Variants in CACNA1C observed in about 807,000 individuals in gnomAD.
The protein encoded by CACNA1C is calcium voltage-gated channel subunit alpha1 C, also known as voltage-dependent L-type calcium channel subunit alpha-1C.
In CACNA1C, 30 loss-of-function variants were observed where a neutral mutation model predicts 229.0. The observed-to-expected ratio is 0.13, with a 90% CI of 0.10 to 0.18. The LOEUF is 0.18. Ranked by LOEUF, CACNA1C falls within the 10% of genes least tolerant of loss-of-function variation. The pLI is 1.00. For synonymous variants in CACNA1C, 1,114 were observed against 1,132.5 expected, an observed-to-expected ratio of 0.98 and a Z score of 0.33; for missense variants, 1,658 against 2,845.0, an observed-to-expected ratio of 0.58 and a Z score of 9.49.
rs12318527 is a variant in CACNA1C, at chr12:2,266,869, G to T, written c.477+146439G>T. Reference sequence around the variant, plus strand: ...TTCAGGCTGTGCTGCCTAGGGAAATGTACTTACCTCTTCTGAGCTTTTCTT... The same window carrying T: ...TTCAGGCTGTGCTGCCTAGGGAAATTTACTTACCTCTTCTGAGCTTTTCTT... On this transcript the variant is annotated intron_variant, in intron 3 of 46. Transcript: ENST00000399655. Among the ~76,000 whole-genome samples, 1,467 of 152,268 alleles carry T rather than the reference G, an allele frequency of 9.6e-3. 24 individuals are homozygous for T. The highest frequency in any genetic ancestry group is 0.033 in the African/African-American group (1,376 of 41,534).
intron 9 of CACNA1C, 122 bp from the exon 10 acceptor site, chr12:2,549,821 C>T: frequency 2.8e-6 from 2 of 713,754 alleles, no homozygotes; most frequent in Non-Finnish European, 5.0e-6. Flanking sequence ...CCAGCGTGCT[C>T]AGCCTCTCTT....
intron 1 of CACNA1C, among the ~76,000 whole-genome samples, chr12:2,094,942 A>G (rs1329178677): frequency 6.6e-6 from 1 of 152,162 alleles, no homozygotes; most frequent in Non-Finnish European, 1.5e-5. Context: ...TTTAATGACT[A>G]CTTCCCCCTG....
intron 3 of CACNA1C, among the ~76,000 whole-genome samples, chr12:2,300,999 C>T (rs893985894): frequency 9.9e-5 from 15 of 152,192 alleles, no homozygotes; most frequent in Non-Finnish European, 1.6e-4. Context: ...AGCTGCACAG[C>T]CACTTATAAC....
intron 1 of CACNA1C, among the ~76,000 whole-genome samples, chr12:1,974,759 C>G (rs1484979687): frequency 6.6e-6 from 1 of 152,146 alleles, no homozygotes; most frequent in Non-Finnish European, 1.5e-5. Flanking sequence ...GATTTAGATG[C>G]ATGTCAGTCA....
At position 2,348,245 on chromosome 12, in the gene CACNA1C, G is replaced by A. The variant is rs772869282; in HGVS notation, c.478-100731G>A. ...TGACTCCTGAGGCCTTCTGCTCACC[G>A]GAAGGGGGGCAGGTCTGCAGCCCCT... On this transcript the variant is annotated intron_variant, in intron 3 of 46. Transcript: ENST00000399655. This position sits in a 1 kb window ranked among gnomAD's most constrained non-coding sequence, Gnocchi z 4.7. 1.1e-4 allele frequency among the ~76,000 whole-genome samples: 16 copies of A among 152,342 alleles called. No homozygotes were observed. Among genetic ancestry groups the A allele is most frequent in the Non-Finnish European group, 1.9e-4 (13 of 68,032 alleles).
At chr12:2,650,587 G>T (rs907601447) in intron 31 of CACNA1C, among the ~76,000 whole-genome samples, 3 of 152,156 alleles carry the variant, frequency 2.0e-5, no homozygotes, top group Admixed American at 6.5e-5. Flanking sequence ...TCACCAGGCC[G>T]ATGTGGGCAG....
chr12:2,517,446 T>G (rs2099799484), intron 9 of CACNA1C, among the ~76,000 whole-genome samples: 1 of 152,150 alleles, frequency 6.6e-6, no homozygotes, highest in Non-Finnish European at 1.5e-5. Context: ...GCCTCTGCAA[T>G]GGGTTACAGT....
intron 3 of CACNA1C, among the ~76,000 whole-genome samples, chr12:2,274,039 C>T (rs183440822): frequency 2.0e-5 from 3 of 152,332 alleles, no homozygotes; most frequent in African/African-American, 4.8e-5. Flanking sequence ...CTATCCTGGC[C>T]TCAGTGTTAA....
intron 1 of CACNA1C, among the ~76,000 whole-genome samples, chr12:2,087,871 T>C (rs180837641): frequency 6.0e-4 from 92 of 152,328 alleles, no homozygotes; most frequent in African/African-American, 2.1e-3. Flanking sequence ...ATACTGAACG[T>C]GTTTGTCTCT....
chr12:2,438,343 GATGATGGTGGTGGTA>G (rs1163596973), intron 3 of CACNA1C, among the ~76,000 whole-genome samples: 7 of 97,010 alleles, frequency 7.2e-5, no homozygotes, highest in Non-Finnish European at 8.9e-5. Context: ...TGATGATAAT[GATGATGGTGGTGGTA>G]ATGATGGTGG....
chr12:2,310,841 A>G (rs2095400674), intron 3 of CACNA1C, among the ~76,000 whole-genome samples: 1 of 152,220 alleles, frequency 6.6e-6, no homozygotes, highest in Non-Finnish European at 1.5e-5. Context: ...TTCCTAATGC[A>G]GATGGAGTTT....
chr12:2,310,419 T>C (rs900078981), intron 3 of CACNA1C, among the ~76,000 whole-genome samples: 1 of 151,700 alleles, frequency 6.6e-6, no homozygotes, highest in Non-Finnish European at 1.5e-5. Context: ...CATATCTAAT[T>C]TGGTTTTGAA....
At chr12:2,272,157 A>G (rs529450382) in intron 3 of CACNA1C, among the ~76,000 whole-genome samples, 1 of 152,134 alleles carries the variant, frequency 6.6e-6, no homozygotes, top group African/African-American at 2.4e-5. Context: ...GGCCAAATCA[A>G]TCCTGTCTAC....
intron 3 of CACNA1C, among the ~76,000 whole-genome samples, chr12:2,247,599 G>A (rs915166847): frequency 6.6e-6 from 1 of 152,206 alleles, no homozygotes; most frequent in African/African-American, 2.4e-5. Flanking sequence ...CTGGTGGGCA[G>A]CCACGGCGAA....
chr12:2,518,775 C>A (rs1168616420), intron 9 of CACNA1C, among the ~76,000 whole-genome samples: 1 of 152,184 alleles, frequency 6.6e-6, no homozygotes, highest in Non-Finnish European at 1.5e-5. Flanking sequence ...TGATTCTGTT[C>A]ATACCTTGCA....
intron 3 of CACNA1C, among the ~76,000 whole-genome samples, chr12:2,363,818 C>T (rs2097646970): frequency 6.6e-6 from 1 of 152,118 alleles, no homozygotes; most frequent in African/African-American, 2.4e-5. Context: ...TAAAGAATAC[C>T]TCTGCTTCTT....
At chr12:2,541,841 A>G (rs2099871186) in intron 9 of CACNA1C, among the ~76,000 whole-genome samples, 1 of 152,232 alleles carries the variant, frequency 6.6e-6, no homozygotes, top group Non-Finnish European at 1.5e-5. Context: ...AGGTTTCGGA[A>G]CTAGGCAGAT....
rs1352035131 is a variant in CACNA1C, at chr12:2,682,048, C to T, written c.5445-502C>T. Reference sequence around the variant, plus strand: ...TGCCTTCTGCTCAGGAGAGCAAACCCCTCTAGGTGAGGCTTCCTCTCTGTG... The same window carrying T: ...TGCCTTCTGCTCAGGAGAGCAAACCTCTCTAGGTGAGGCTTCCTCTCTGTG... On this transcript the variant is annotated intron_variant, in intron 42 of 46. Transcript: ENST00000399655. 5 of 1,576,954 alleles carry T rather than the reference C, an allele frequency of 3.2e-6. No individual in the cohort carries two copies. In the African/African-American group the frequency reaches 4.0e-5, roughly 13 times the overall value.
intron 3 of CACNA1C, among the ~76,000 whole-genome samples, chr12:2,424,800 C>G (rs2099013056): frequency 6.6e-6 from 1 of 152,196 alleles, no homozygotes; most frequent in African/African-American, 2.4e-5. Context: ...CTCCCAGAGA[C>G]TGAGCTGGCA....
Sources: allele counts gnomAD v4.1 joint callset (sites outside exome capture counted in the v4.1 genomes callset), GRCh38; gene constraint gnomAD v4.1.1; non-coding constraint Gnocchi (gnomAD v3.1); transcripts MANE v1.5; gene names NCBI Gene and HGNC (gene_info 2026-07-23, HGNC 2026-07-21).